Variants in CASQ1 observed in about 807,000 individuals in gnomAD.
The protein encoded by CASQ1 is calsequestrin 1.
CASQ1 carries 40 observed loss-of-function variants against 49.5 expected under a neutral mutation model. The ratio of observed to expected loss-of-function variants is 0.81; its 90% CI spans 0.63 to 1.05. The LOEUF (loss-of-function observed/expected upper bound fraction) is 1.05. Among genes scored for constraint, CASQ1 ranks in the 50% least tolerant of loss-of-function variants. CASQ1 has a pLI of 0.00. For missense variants in CASQ1, 469 were observed against 486.9 expected (o/e 0.96, Z 0.35); for synonymous variants, 174 against 187.2 (o/e 0.93, Z 0.58).
intron 7 of CASQ1, 41 bp downstream of exon 7, chr1:160,197,655 G>A (rs1557815796): frequency 2.1e-6 from 3 of 1,423,140 alleles, no homozygotes; most frequent in Admixed American, 3.3e-5. Context: ...AGGGAAGCAT[G>A]GGTGCCAGAA....
chr1:160,200,489 C>T (rs1011298166), intron 10 of CASQ1, among the ~76,000 whole-genome samples: 3 of 152,128 alleles, frequency 2.0e-5, no homozygotes, highest in Admixed American at 6.5e-5. Flanking sequence ...TTCTGCTTGA[C>T]AGAATCAGAG....
chr1:160,191,250 T>TC (rs1446900794), intron 1 of CASQ1, among the ~76,000 whole-genome samples: 1 of 152,122 alleles, frequency 6.6e-6, no homozygotes, highest in Non-Finnish European at 1.5e-5. Flanking sequence ...AGGAAACCTT[T>TC]AGCAGGGGTG....
At position 160,192,902 on chromosome 1, in the gene CASQ1, G is replaced by A; in HGVS notation, c.364+16G>A. The A allele has an allele frequency of 6.3e-7, 1 of 1,593,524 alleles. No individual in the cohort carries two copies. The highest frequency in any genetic ancestry group is 8.6e-7 in the Non-Finnish European group (1 of 1,161,460). ...AAGAAACTAGGTAAGAGAGGGGAGG[G>A]CAGGGGAGGGGAAGGTGGCATTGAG... is the stretch of plus-strand genomic sequence containing the variant. On this transcript the variant is annotated intron_variant, in intron 2 of 10. Transcript: ENST00000368078.
At chr1:160,197,521 G>A (rs764241223) in intron 6 of CASQ1, 48 bp from the exon 7 acceptor site, 13 of 1,377,418 alleles carry the variant, frequency 9.4e-6, no homozygotes, top group African/African-American at 2.8e-5. Flanking sequence ...TCTGGAGGGG[G>A]CATCCTTCTA....
At chr1:160,194,682 C>T (rs1380493126) in intron 3 of CASQ1, among the ~76,000 whole-genome samples, 1 of 150,916 alleles carries the variant, frequency 6.6e-6, no homozygotes, top group Non-Finnish European at 1.5e-5. Context: ...ACACAGTAGG[C>T]CACACATCAC....
rs116660478 is a variant in CASQ1 at position 160,199,992 on chromosome 1, C to T, written c.1059+67C>T. On this transcript the variant is annotated intron_variant, in intron 10 of 10. Coordinates refer to ENST00000368078, the MANE Select transcript of CASQ1 (RefSeq NM_001231.5). Reference sequence around the variant, plus strand: ...CTTCCTAGCATAGCTAGCTCTCCTCCTCTCTGCTAACTAGGAGTTGGGCCC... The same window carrying T: ...CTTCCTAGCATAGCTAGCTCTCCTCTTCTCTGCTAACTAGGAGTTGGGCCC... The T allele has an allele frequency of 1.5e-3, 1,625 of 1,067,270 alleles. 25 individuals carry two copies. In the African/African-American group the frequency reaches 0.022, roughly 15 times the overall value. 66.1% of individuals were successfully genotyped at this position (1,067,270 alleles called of 1,614,324 possible).
chr1:160,196,544 C>A lies in CASQ1; in HGVS notation c.782+517C>A, dbSNP rs965311829. 2.0e-5 allele frequency among the ~76,000 whole-genome samples: 3 copies of A among 151,538 alleles called. No homozygotes were observed. In the South Asian group the frequency reaches 6.2e-4, roughly 32 times the overall value. On this transcript the variant is annotated intron_variant, in intron 6 of 10. Coordinates refer to ENST00000368078, the MANE Select transcript of CASQ1 (RefSeq NM_001231.5). ...CTAGGCTGGAGCACAGTGGCGCCAT[C>A]TTGGCTCACTGCAGCCTCCGCCTCC...
At position 160,193,830 on chromosome 1, in the gene CASQ1, G is replaced by T. The variant is rs775466623; in HGVS notation, c.448G>T (p.Val150Leu). The change falls in exon 3 of 11, where the codon GTG (valine) becomes TTG (leucine). Residue 150 changes from valine (V) to leucine (L), a missense_variant. By Grantham distance (32) the Val-to-Leu change is conservative (BLOSUM62 1). Transcript: ENST00000368078. Reference sequence around the variant, plus strand: ...TGGCGAGTTTTCTGCTGACACCATCGTGGAGTTTCTGCTTGATGTAAGGAC... The same window carrying T: ...TGGCGAGTTTTCTGCTGACACCATCTTGGAGTTTCTGCTTGATGTAAGGAC... ...YDGEFSADTI[V>L]EFLLDVLEDP... is the part of the protein sequence containing the mutation. 9.3e-6 allele frequency: 15 copies of T among 1,612,032 alleles called. No homozygotes were observed. In the Admixed American group the frequency reaches 1.3e-4, roughly 14 times the overall value.
intron 3 of CASQ1, 58 bp from the exon 4 acceptor site, chr1:160,194,954 C>T (rs944350787): frequency 1.9e-6 from 2 of 1,065,622 alleles, no homozygotes; most frequent in East Asian, 2.4e-5. Context: ...TCCCTAGGTC[C>T]CTTTCTGGTT....
At chr1:160,195,782 T>A (rs60043899) in intron 5 of CASQ1, 115 bp from the exon 6 acceptor site, 159,025 of 1,210,972 alleles carry the variant, frequency 0.13, 11,844 homozygotes, top group South Asian at 0.29. Context: ...ACAGTGGCAG[T>A]GACAAGGATC....
At chr1:160,194,878 T>C (rs1186693) in intron 3 of CASQ1, 134 bp from the exon 4 acceptor site, 582,948 of 587,956 alleles carry the variant, frequency 0.99, 289,124 homozygotes, top group Non-Finnish European at 1. Context: ...GCACATGCAA[T>C]CCCCCACACA....
Position 160,201,529 on chromosome 1 carries a change from C to T in CASQ1, c.*153C>T. 2.7e-6 allele frequency: 2 copies of T among 745,798 alleles called. No individual in the cohort carries two copies. The highest frequency in any genetic ancestry group is 4.4e-6 in the Non-Finnish European group (2 of 453,312). 46.2% of individuals were successfully genotyped at this position (745,798 alleles called of 1,614,324 possible). A position where few individuals can be genotyped will look rare whatever the true frequency, so the allele number is the denominator to read the frequency against. ...TGCTGGGTGCTGAGACACTGATCCC[C>T]CTCATTTGATGAGCAAATGAGCTAC... On this transcript the variant is annotated 3_prime_UTR_variant, in exon 11 of 11. Transcript: ENST00000368078.
chr1:160,199,951 T>G, intron 10 of CASQ1, 26 bp downstream of exon 10: 1 of 1,502,778 alleles, frequency 6.7e-7, no homozygotes, highest in Non-Finnish European at 9.3e-7. Context: ...TCATCCCGGG[T>G]TGACCCCCGA....
At position 160,201,435 on chromosome 1, in the gene CASQ1, C is replaced by T; in HGVS notation, c.*59C>T. On this transcript the variant is annotated 3_prime_UTR_variant, in exon 11 of 11. Coordinates refer to ENST00000368078, the MANE Select transcript of CASQ1 (RefSeq NM_001231.5). ...CTTTTCATGCTCTCTCCTGCCTTCC[C>T]TTGTCCTTCCCTGAGTTCCTCCAGG... The T allele has an allele frequency of 1.3e-6, 2 of 1,587,062 alleles. No individual in the cohort carries two copies. The highest frequency in any genetic ancestry group is 1.7e-6 in the Non-Finnish European group (2 of 1,160,892).
At chr1:160,198,636 G>T in intron 7 of CASQ1, 41 bp from the exon 8 acceptor site, 7 of 1,488,584 alleles carry the variant, frequency 4.7e-6, no homozygotes, top group Non-Finnish European at 6.6e-6. Context: ...GTATAGTAAG[G>T]TCTTCTCCAA....
chr1:160,195,680 T>C, intron 5 of CASQ1, 146 bp downstream of exon 5: 1 of 703,176 alleles, frequency 1.4e-6, no homozygotes, highest in Non-Finnish European at 2.3e-6. Context: ...TCCCACTCCA[T>C]AGATTTAGAG....
intron 3 of CASQ1, among the ~76,000 whole-genome samples, chr1:160,194,538 G>A (rs558334332): frequency 5.6e-5 from 7 of 124,902 alleles, no homozygotes; most frequent in East Asian, 4.9e-4. Flanking sequence ...CCGTACATGC[G>A]CACACACACA....
rs143532190 is a variant in CASQ1 at position 160,192,841 on chromosome 1, G to A, written c.319G>A (p.Gly107Arg). Residue 107 changes from glycine to arginine, a missense_variant, in exon 2 of 11, where the codon GGG (glycine) becomes AGG (arginine). Physicochemically the swap from Gly to Arg is moderately radical, Grantham distance 125. Coordinates refer to ENST00000368078, the MANE Select transcript of CASQ1 (RefSeq NM_001231.5). ...QVLEDKGVGF[G>R]LVDSEKDAAV... is the part of the protein sequence containing the mutation. Reference sequence around the variant, plus strand: ...CCTAGAAGACAAGGGTGTTGGCTTCGGGCTGGTAGACTCTGAGAAGGATGC... The same window carrying A: ...CCTAGAAGACAAGGGTGTTGGCTTCAGGCTGGTAGACTCTGAGAAGGATGC... The A allele has an allele frequency of 2.9e-5, 47 of 1,613,984 alleles. No homozygotes were observed. Among genetic ancestry groups the A allele is most frequent in the East Asian group, 1.8e-4 (8 of 44,874 alleles).
chr1:160,199,352 A>C (rs1456964542), intron 9 of CASQ1, among the ~76,000 whole-genome samples: 1 of 152,218 alleles, frequency 6.6e-6, no homozygotes, highest in Non-Finnish European at 1.5e-5. Context: ...ACATGGGTAT[A>C]CACACTCAAT....
Sources: gnomAD v4.1 joint callset for allele counts (sites outside exome capture counted in the v4.1 genomes callset) on GRCh38, gnomAD v4.1.1 for gene constraint, MANE v1.5 for transcripts, NCBI Gene and HGNC (gene_info 2026-07-23, HGNC 2026-07-21) for gene names.